The following GRIK1 variants were observed in gnomAD, a reference collection of about 807,000 sequenced individuals.
GRIK1 encodes the protein glutamate ionotropic receptor kainate type subunit 1, also known as glutamate receptor ionotropic, kainate 1.
In GRIK1, 69 loss-of-function variants were observed where a neutral mutation model predicts 105.7. The ratio of observed to expected loss-of-function variants is 0.65; its 90% CI spans 0.54 to 0.80. The LOEUF is 0.80. Among genes scored for constraint, GRIK1 ranks in the 30% least tolerant of loss-of-function variants. The pLI is 0.00. For synonymous variants in GRIK1, 438 were observed against 431.3 expected (o/e 1.02, Z -0.19); for missense variants, 1,109 against 1,167.3 (o/e 0.95, Z 0.73).
intron 7 of GRIK1, among the ~76,000 whole-genome samples, chr21:29,609,558 C>T (rs936145810): frequency 6.6e-6 from 1 of 152,158 alleles, no homozygotes. Flanking sequence ...GAAGATTGCT[C>T]TCTCCGCTGT....
intron 1 of GRIK1, among the ~76,000 whole-genome samples, chr21:29,781,657 C>CTTTTTTTTTTTTTTT (rs71191125): frequency 1.0e-4 from 7 of 69,260 alleles, no homozygotes; most frequent in Non-Finnish European, 1.8e-4. Flanking sequence ...CCTACTGTTT[C>CTTTTTTTTTTTTTTT]TTTTTTTTTT....
chr21:29,554,857 C>T (rs1353720701), intron 16 of GRIK1, among the ~76,000 whole-genome samples, 195 bp downstream of exon 16: 3 of 152,100 alleles, frequency 2.0e-5, no homozygotes, highest in Admixed American at 6.5e-5. Context: ...CCTTCCTTGT[C>T]GTTAATAAAT....
intron 1 of GRIK1, among the ~76,000 whole-genome samples, chr21:29,924,428 T>A (rs755777306): frequency 6.6e-6 from 1 of 152,048 alleles, no homozygotes; most frequent in East Asian, 1.9e-4. Flanking sequence ...TTATGAAGCA[T>A]TGAGCTCATG....
chr21:29,537,224 C>T lies in GRIK1; in HGVS notation c.*6G>A, dbSNP rs765702779. ...TCCTTTTTCTTCCTACAGGCGTTTC[C>T]TTGGATCACGCCACAGTCTCTTTTC... On this transcript the variant is annotated 3_prime_UTR_variant, in exon 18 of 18. Coordinates refer to ENST00000327783, the MANE Select transcript of GRIK1 (RefSeq NM_001330994.2). 1 of 1,580,080 alleles carries T rather than the reference C, an allele frequency of 6.3e-7. No homozygotes were observed. The highest frequency in any genetic ancestry group is 1.4e-5 in the African/African-American group (1 of 72,430).
At chr21:29,879,441 G>T (rs192594541) in intron 1 of GRIK1, among the ~76,000 whole-genome samples, 25 of 152,108 alleles carry the variant, frequency 1.6e-4, no homozygotes, top group Admixed American at 1.3e-3. Context: ...AAATTGTTCA[G>T]GTTCACGAGA....
chr21:29,928,039 G>A (rs1346739826), intron 1 of GRIK1, among the ~76,000 whole-genome samples: 1 of 152,044 alleles, frequency 6.6e-6, no homozygotes, highest in Non-Finnish European at 1.5e-5. Context: ...GCTTCCCTGG[G>A]CCACACTGGA....
intron 1 of GRIK1, among the ~76,000 whole-genome samples, chr21:29,840,506 C>A (rs1387584558): frequency 6.6e-6 from 1 of 152,038 alleles, no homozygotes; most frequent in Non-Finnish European, 1.5e-5. Context: ...AGCTATTTAT[C>A]CCACTGGAAT....
At chr21:29,709,910 A>G (rs2146808749) in intron 1 of GRIK1, among the ~76,000 whole-genome samples, 1 of 151,796 alleles carries the variant, frequency 6.6e-6, no homozygotes, top group South Asian at 2.1e-4. Context: ...TGTTTTGCTT[A>G]TTGCATTGGT....
At chr21:29,911,851 A>T (rs1015404945) in intron 1 of GRIK1, among the ~76,000 whole-genome samples, 1 of 152,078 alleles carries the variant, frequency 6.6e-6, no homozygotes, top group Non-Finnish European at 1.5e-5. Flanking sequence ...GAACTGAGAG[A>T]AATAAATTTC....
At chr21:29,756,680 TAAAAACA>T (rs759070584) in intron 1 of GRIK1, among the ~76,000 whole-genome samples, 2 of 150,456 alleles carry the variant, frequency 1.3e-5, no homozygotes, top group East Asian at 1.9e-4. Context: ...TCCTTACTAT[TAAAAACA>T]AAAAACAAAA....
At chr21:29,622,409 A>T (rs1470514237) in intron 7 of GRIK1, among the ~76,000 whole-genome samples, 1 of 152,204 alleles carries the variant, frequency 6.6e-6, no homozygotes, top group African/African-American at 2.4e-5. Flanking sequence ...TACATGGTTG[A>T]AATCAGTGTT....
At chr21:29,848,843 G>A (rs373320717) in intron 1 of GRIK1, among the ~76,000 whole-genome samples, 2 of 136,086 alleles carry the variant, frequency 1.5e-5, no homozygotes, top group Admixed American at 8.1e-5. Context: ...GTTTTTCCTA[G>A]TCCTTAGGAT....
intron 1 of GRIK1, among the ~76,000 whole-genome samples, chr21:29,758,252 T>C (rs957888739): frequency 6.6e-6 from 1 of 152,220 alleles, no homozygotes; most frequent in African/African-American, 2.4e-5. Flanking sequence ...GTTCTCGCGC[T>C]GTTAATAAAG....
At chr21:29,708,693 T>A (rs1601503496) in intron 1 of GRIK1, among the ~76,000 whole-genome samples, 2 of 152,362 alleles carry the variant, frequency 1.3e-5, no homozygotes, top group Admixed American at 6.5e-5. Context: ...GCCCAGTGAC[T>A]GCTCTTTCAG....
At chr21:29,768,686 C>T (rs1385537825) in intron 1 of GRIK1, among the ~76,000 whole-genome samples, 1 of 152,084 alleles carries the variant, frequency 6.6e-6, no homozygotes, top group African/African-American at 2.4e-5. Context: ...CGGAGGAGCC[C>T]GGGGAGGAAG....
Position 29,694,070 on chromosome 21 carries a change from A to G in GRIK1, c.119-7T>C. ...ACTGTTTCAAAAATCCCTCCTGCAG[A>G]AGCAAAAGAGATGCATGAGAAGCGT... On this transcript the variant is annotated splice_region_variant and splice_polypyrimidine_tract_variant and intron_variant, in intron 1 of 17. Coordinates refer to ENST00000327783, the MANE Select transcript of GRIK1 (RefSeq NM_001330994.2). The G allele has an allele frequency of 6.2e-7, 1 of 1,600,364 alleles. No homozygotes were observed. Among genetic ancestry groups the G allele is most frequent in the Non-Finnish European group, 8.6e-7 (1 of 1,168,068 alleles).
At chr21:29,677,886 C>G (rs892543560) in intron 3 of GRIK1, among the ~76,000 whole-genome samples, 1 of 152,186 alleles carries the variant, frequency 6.6e-6, no homozygotes, top group Non-Finnish European at 1.5e-5. Context: ...TGAGTCCCCT[C>G]TACACAGCCA....
intron 9 of GRIK1, among the ~76,000 whole-genome samples, chr21:29,591,708 T>A (rs115466983): frequency 0.013 from 2,030 of 151,966 alleles, 48 homozygotes; most frequent in African/African-American, 0.046. Flanking sequence ...AATTTATGAA[T>A]AATGGGGTGA....
intron 4 of GRIK1, among the ~76,000 whole-genome samples, chr21:29,656,277 G>A (rs1836799493): frequency 6.9e-6 from 1 of 145,632 alleles, no homozygotes; most frequent in Non-Finnish European, 1.5e-5. Context: ...CAGGAGAACG[G>A]CGTGAACCCG....
Sources: gnomAD v4.1 joint callset for allele counts (sites outside exome capture counted in the v4.1 genomes callset) on GRCh38, gnomAD v4.1.1 for gene constraint, MANE v1.5 for transcripts, NCBI Gene and HGNC (gene_info 2026-07-23, HGNC 2026-07-21) for gene names.